The following FGGY variants were observed in gnomAD, a reference collection of about 807,000 sequenced individuals.
FGGY encodes FGGY carbohydrate kinase domain-containing protein.
In FGGY, 72 loss-of-function variants were observed where a neutral mutation model predicts 71.3. The ratio of observed to expected loss-of-function variants is 1.01; its 90% CI spans 0.84 to 1.23. The LOEUF (loss-of-function observed/expected upper bound fraction) is 1.23. Among genes scored for constraint, FGGY ranks in the 50% most tolerant of loss-of-function variants. The pLI, the probability that FGGY is intolerant of heterozygous loss-of-function variation, is 0.00. For synonymous variants in FGGY, 251 were observed against 250.3 expected (o/e 1.00, Z -0.02); for missense variants, 668 against 682.3 (o/e 0.98, Z 0.23).
chr1:59,615,566 C>T (rs1361763325), intron 9 of FGGY, among the ~76,000 whole-genome samples: 1 of 152,088 alleles, frequency 6.6e-6, no homozygotes, highest in African/African-American at 2.4e-5. Context: ...CAGGCAATAC[C>T]ATTCAGGACA....
At chr1:59,354,179 G>GCAGC (rs1415267938) in intron 4 of FGGY, among the ~76,000 whole-genome samples, 10 of 152,108 alleles carry the variant, frequency 6.6e-5, no homozygotes, top group Admixed American at 5.9e-4. Flanking sequence ...CCAGGCTTGA[G>GCAGC]CGGCTCTCCC....
chr1:59,386,950 G>T (rs2060143217), intron 5 of FGGY, among the ~76,000 whole-genome samples: 1 of 151,876 alleles, frequency 6.6e-6, no homozygotes, highest in African/African-American at 2.4e-5. Context: ...GTATAATTCT[G>T]TATGGGTTAT....
At chr1:59,573,832 G>A (rs969950882) in intron 8 of FGGY, among the ~76,000 whole-genome samples, 7 of 152,042 alleles carry the variant, frequency 4.6e-5, no homozygotes, top group Non-Finnish European at 1.0e-4. Context: ...CTATATAATG[G>A]ATTACATTTT....
intron 7 of FGGY, among the ~76,000 whole-genome samples, chr1:59,525,279 A>G (rs1160296867): frequency 6.6e-6 from 1 of 152,174 alleles, no homozygotes; most frequent in Non-Finnish European, 1.5e-5. Context: ...CACCCTTGGT[A>G]GGTGTGGGAT....
intron 2 of FGGY, 83 bp downstream of exon 2, chr1:59,321,833 T>C: frequency 3.6e-6 from 5 of 1,407,574 alleles, no homozygotes; most frequent in Middle Eastern, 2.5e-4. Context: ...GTAAACAATG[T>C]TGGGGTAACT....
At chr1:59,525,922 A>G (rs1308123351) in intron 7 of FGGY, among the ~76,000 whole-genome samples, 1 of 152,146 alleles carries the variant, frequency 6.6e-6, no homozygotes. Flanking sequence ...TTATACATGT[A>G]TGTGTATTAC....
At chr1:59,462,900 T>C (rs9728360) in intron 6 of FGGY, among the ~76,000 whole-genome samples, 71,735 of 150,340 alleles carry the variant, frequency 0.48, 17,267 homozygotes, top group Middle Eastern at 0.53. Context: ...GTCAGTGTGG[T>C]GATTCCTCAG....
At chr1:59,434,663 C>A (rs1453590204) in intron 5 of FGGY, among the ~76,000 whole-genome samples, 2 of 152,178 alleles carry the variant, frequency 1.3e-5, no homozygotes, top group African/African-American at 4.8e-5. Context: ...GGTGAGGACT[C>A]ACTTCCTGGT....
At chr1:59,358,881 T>C (rs1442191344) in intron 4 of FGGY, among the ~76,000 whole-genome samples, 3 of 152,226 alleles carry the variant, frequency 2.0e-5, no homozygotes, top group Non-Finnish European at 2.9e-5. Flanking sequence ...TCCTGTGAGG[T>C]AGATGTTATC....
intron 1 of FGGY, among the ~76,000 whole-genome samples, chr1:59,311,923 A>T (rs1163670027): frequency 6.6e-6 from 1 of 152,170 alleles, no homozygotes; most frequent in Non-Finnish European, 1.5e-5. Context: ...TTGTTTCTTG[A>T]CTTTTTAATA....
intron 14 of FGGY, among the ~76,000 whole-genome samples, chr1:59,687,618 C>A (rs1435125143): frequency 2.0e-5 from 3 of 151,522 alleles, no homozygotes; most frequent in African/African-American, 7.3e-5. Context: ...AGGTACCCAC[C>A]ACCACACCTG....
chr1:59,740,932 A>G (rs911649043), intron 14 of FGGY, among the ~76,000 whole-genome samples: 8 of 152,244 alleles, frequency 5.3e-5, no homozygotes, highest in Non-Finnish European at 1.2e-4. Context: ...GCATGAATAA[A>G]AGAATGTAAA....
chr1:59,357,203 T>A (rs2054498883), intron 4 of FGGY, among the ~76,000 whole-genome samples: 1 of 152,222 alleles, frequency 6.6e-6, no homozygotes, highest in Admixed American at 6.5e-5. Context: ...ATCCTGTATT[T>A]GCATATTTGA....
intron 4 of FGGY, among the ~76,000 whole-genome samples, chr1:59,374,118 C>T (rs892309897): frequency 6.6e-6 from 1 of 152,138 alleles, no homozygotes; most frequent in Non-Finnish European, 1.5e-5. Context: ...GAACAGGCAA[C>T]CCACAAAATG....
At chr1:59,679,706 A>C (rs925635050) in intron 14 of FGGY, among the ~76,000 whole-genome samples, 3 of 152,178 alleles carry the variant, frequency 2.0e-5, no homozygotes, top group Admixed American at 6.5e-5. Flanking sequence ...TTTAAATTAC[A>C]AAATGTATTA....
intron 5 of FGGY, among the ~76,000 whole-genome samples, chr1:59,440,981 T>A (rs2069700825): frequency 6.6e-6 from 1 of 152,070 alleles, no homozygotes; most frequent in Non-Finnish European, 1.5e-5. Context: ...GGATGCACAC[T>A]TTAAGGACGT....
intron 14 of FGGY, among the ~76,000 whole-genome samples, chr1:59,730,054 G>A (rs1163089523): frequency 6.6e-6 from 1 of 152,138 alleles, no homozygotes; most frequent in Non-Finnish European, 1.5e-5. Context: ...GAAAGTGTGG[G>A]CCCCCTTCCA....
At chr1:59,589,303 T>C (rs2096378907) in intron 8 of FGGY, among the ~76,000 whole-genome samples, 1 of 152,114 alleles carries the variant, frequency 6.6e-6, no homozygotes, top group African/African-American at 2.4e-5. Context: ...CTGAGTGACC[T>C]ACAAAGAGAC....
intron 7 of FGGY, among the ~76,000 whole-genome samples, chr1:59,533,351 C>A (rs190678419): frequency 6.6e-6 from 1 of 152,220 alleles, no homozygotes; most frequent in African/African-American, 2.4e-5. Context: ...GAGGGTCCTA[C>A]GCCCACGGAG....
Sources: allele counts gnomAD v4.1 joint callset (sites outside exome capture counted in the v4.1 genomes callset), GRCh38; gene constraint gnomAD v4.1.1; transcripts MANE v1.5; gene names NCBI Gene and HGNC (gene_info 2026-07-23, HGNC 2026-07-21).